The following MTUS2 variants were observed in gnomAD, a reference collection of about 807,000 sequenced individuals.
The protein encoded by MTUS2 is microtubule associated scaffold protein 2, also known as microtubule-associated tumor suppressor candidate 2.
In MTUS2, 40 loss-of-function variants were observed where a neutral mutation model predicts 114.1. The observed-to-expected ratio is 0.35, with a 90% CI of 0.27 to 0.46. The LOEUF (loss-of-function observed/expected upper bound fraction) is 0.46, where lower values mean the gene tolerates loss of function less well. Among genes scored for constraint, MTUS2 ranks in the 20% least tolerant of loss-of-function variants. MTUS2 has a pLI of 1.00. For synonymous variants in MTUS2, 688 were observed against 672.0 expected, an observed-to-expected ratio of 1.02 and a Z score of -0.37; for missense variants, 1,679 against 1,705.4, an observed-to-expected ratio of 0.98 and a Z score of 0.27.
rs182819590 is a variant in MTUS2 at position 28,859,948 on chromosome 13, C to T, written c.-243+20098C>T. 2.4e-3 allele frequency among the ~76,000 whole-genome samples: 366 copies of T among 152,208 alleles called. 1 individual carries two copies. The highest frequency in any genetic ancestry group is 6.8e-3 in the Middle Eastern group (2 of 294). On this transcript the variant is annotated intron_variant, in intron 2 of 15. Coordinates refer to ENST00000612955, the MANE Select transcript of MTUS2 (RefSeq NM_001033602.4). ...TTACTGATCAGTACACTCCATCCTG[C>T]CTACTTTCATTGCAGAACCTTGTGC...
chr13:28,846,920 T>A (rs1424975452), intron 2 of MTUS2, among the ~76,000 whole-genome samples: 1 of 152,248 alleles, frequency 6.6e-6, no homozygotes, highest in Non-Finnish European at 1.5e-5. Context: ...TCTTCAGTGG[T>A]GTAATCCATG....
At chr13:29,088,273 A>G (rs1401654733) in intron 4 of MTUS2, among the ~76,000 whole-genome samples, 2 of 123,690 alleles carry the variant, frequency 1.6e-5, no homozygotes, top group Non-Finnish European at 3.6e-5. Flanking sequence ...TTTTCATGTA[A>G]TTATATGGTT....
chr13:28,969,542 ACC>A (rs1295941095), intron 2 of MTUS2, among the ~76,000 whole-genome samples: 1 of 151,846 alleles, frequency 6.6e-6, no homozygotes, highest in Non-Finnish European at 1.5e-5. Context: ...TCACTCTGTC[ACC>A]CAGGCTGGAG....
chr13:29,032,901 T>C (rs974152885), intron 3 of MTUS2, among the ~76,000 whole-genome samples: 10 of 152,238 alleles, frequency 6.6e-5, no homozygotes, highest in African/African-American at 2.2e-4. Context: ...TAGCACTATT[T>C]TTTATTGTAA....
chr13:28,925,926 A>G (rs766645828), intron 2 of MTUS2, among the ~76,000 whole-genome samples: 26 of 152,226 alleles, frequency 1.7e-4, no homozygotes, highest in Non-Finnish European at 3.2e-4. Context: ...TAAAAATAAA[A>G]CAACCTTGGC....
At chr13:29,229,775 C>T (rs1896251912) in intron 5 of MTUS2, among the ~76,000 whole-genome samples, 1 of 152,128 alleles carries the variant, frequency 6.6e-6, no homozygotes, top group African/African-American at 2.4e-5. Flanking sequence ...AGAGGTAAAC[C>T]ATTTTCATTT....
intron 6 of MTUS2, among the ~76,000 whole-genome samples, chr13:29,310,721 TA>T (rs1899716230): frequency 6.6e-6 from 1 of 152,242 alleles, no homozygotes; most frequent in Admixed American, 6.5e-5. Flanking sequence ...GGTGACATTT[TA>T]AAAATCTGAC....
intron 5 of MTUS2, among the ~76,000 whole-genome samples, chr13:29,202,326 A>G (rs1347214409): frequency 6.6e-6 from 1 of 152,024 alleles, no homozygotes. Flanking sequence ...TGTTTCATGA[A>G]GTTCATATGC....
intron 6 of MTUS2, chr13:29,307,339 G>T: frequency 1.4e-6 from 1 of 708,376 alleles, no homozygotes; most frequent in South Asian, 1.5e-5. Context: ...CCAGAAGACT[G>T]TGGATGGACC....
intron 14 of MTUS2, among the ~76,000 whole-genome samples, chr13:29,498,941 C>T (rs981511738): frequency 1.2e-4 from 19 of 152,186 alleles, no homozygotes; most frequent in African/African-American, 3.9e-4. Flanking sequence ...CGCCACCAGC[C>T]GCTTTACAGA....
intron 2 of MTUS2, among the ~76,000 whole-genome samples, chr13:28,877,143 A>AC (rs1256727019): frequency 2.0e-5 from 3 of 150,612 alleles, no homozygotes; most frequent in African/African-American, 7.3e-5. Flanking sequence ...CAAAAAAAAA[A>AC]AACAACAAAA....
At chr13:29,343,855 T>A (rs1479988142) in intron 7 of MTUS2, among the ~76,000 whole-genome samples, 1 of 152,164 alleles carries the variant, frequency 6.6e-6, no homozygotes, top group African/African-American at 2.4e-5. Context: ...GTTGTATCAC[T>A]GTTATCATTT....
At chr13:29,019,227 GT>G (rs1566296248) in intron 2 of MTUS2, among the ~76,000 whole-genome samples, 1 of 152,172 alleles carries the variant, frequency 6.6e-6, no homozygotes, top group African/African-American at 2.4e-5. Flanking sequence ...GCAGGGACTG[GT>G]GGGAAGAGGG....
intron 6 of MTUS2, among the ~76,000 whole-genome samples, chr13:29,321,297 C>T (rs1325397618): frequency 3.3e-5 from 5 of 152,058 alleles, no homozygotes; most frequent in Admixed American, 6.6e-5. Context: ...AGACAACAGC[C>T]GGGAGGCAGT....
At chr13:29,370,176 C>G (rs1375419472) in intron 8 of MTUS2, among the ~76,000 whole-genome samples, 2 of 151,678 alleles carry the variant, frequency 1.3e-5, no homozygotes, top group Admixed American at 6.6e-5. Context: ...ATGGCAAAAC[C>G]TCATCTCTAA....
chr13:29,428,787 A>G, intron 8 of MTUS2: 1 of 1,612,354 alleles, frequency 6.2e-7, no homozygotes, highest in Non-Finnish European at 8.5e-7. Context: ...TCGGCTTAGG[A>G]GTTGCCCGCT....
At chr13:29,386,313 C>G (rs1198219084) in intron 8 of MTUS2, among the ~76,000 whole-genome samples, 2 of 152,152 alleles carry the variant, frequency 1.3e-5, no homozygotes, top group Non-Finnish European at 2.9e-5. Context: ...ACTTATAGCC[C>G]ATGGGCACGG....
At chr13:29,138,853 T>C (rs1158021271) in intron 5 of MTUS2, among the ~76,000 whole-genome samples, 1 of 152,266 alleles carries the variant, frequency 6.6e-6, no homozygotes, top group East Asian at 1.9e-4. Flanking sequence ...TATTTTAGAA[T>C]AAGTTGAGTG....
At chr13:29,116,675 G>C (rs1260573369) in intron 5 of MTUS2, among the ~76,000 whole-genome samples, 1 of 152,054 alleles carries the variant, frequency 6.6e-6, no homozygotes, top group African/African-American at 2.4e-5. Context: ...AGTAACATAA[G>C]GGTTCCTTGA....
Sources: allele counts gnomAD v4.1 joint callset (sites outside exome capture counted in the v4.1 genomes callset), GRCh38; gene constraint gnomAD v4.1.1; transcripts MANE v1.5; gene names NCBI Gene and HGNC (gene_info 2026-07-23, HGNC 2026-07-21).